PLEKHA7: variants seen among roughly 807,000 people sequenced by gnomAD.
PLEKHA7 encodes pleckstrin homology domain-containing family A member 7.
In PLEKHA7, 104 loss-of-function variants were observed where a neutral mutation model predicts 170.0. That is an observed-to-expected ratio of 0.61 (90% CI 0.52 to 0.72). The LOEUF (loss-of-function observed/expected upper bound fraction) is 0.72. PLEKHA7 is among the 30% of genes least tolerant of loss of function. The probability of loss-of-function intolerance (pLI) is 0.00; values close to 1 mark genes in which losing one functional copy is unlikely to be tolerated. For synonymous variants in PLEKHA7, 648 were observed against 660.8 expected, an observed-to-expected ratio of 0.98 and a Z score of 0.30; for missense variants, 1,615 against 1,671.7, an observed-to-expected ratio of 0.97 and a Z score of 0.59.
intron 19 of PLEKHA7, among the ~76,000 whole-genome samples, chr11:16,792,979 A>G (rs1847962870): frequency 6.6e-6 from 1 of 152,196 alleles, no homozygotes; most frequent in African/African-American, 2.4e-5. Context: ...ACAAATGGTA[A>G]AACTGGCAAA....
intron 3 of PLEKHA7, among the ~76,000 whole-genome samples, chr11:16,992,198 T>G (rs1424365169): frequency 6.6e-6 from 1 of 152,084 alleles, no homozygotes; most frequent in Non-Finnish European, 1.5e-5. Context: ...GGAAAGGGGA[T>G]TCTCTCAGCA....
At chr11:16,801,624 C>A in intron 16 of PLEKHA7, 44 bp downstream of exon 16, 1 of 1,610,748 alleles carries the variant, frequency 6.2e-7, no homozygotes, top group Non-Finnish European at 8.5e-7. Flanking sequence ...CAGCCCCTTG[C>A]TCAGCCCGTC....
intron 13 of PLEKHA7, among the ~76,000 whole-genome samples, chr11:16,805,422 C>T (rs1848890952): frequency 6.6e-6 from 1 of 151,958 alleles, no homozygotes; most frequent in Admixed American, 6.6e-5. Flanking sequence ...TACATTCAAC[C>T]TTTTTTTTCT....
chr11:16,818,886 CT>C (rs1456816997), intron 10 of PLEKHA7, among the ~76,000 whole-genome samples: 6 of 151,932 alleles, frequency 3.9e-5, no homozygotes, highest in African/African-American at 1.5e-4. Flanking sequence ...TCACTGCAAC[CT>C]TCGCCTCCTG....
At chr11:16,913,299 C>T (rs1321707762) in intron 3 of PLEKHA7, among the ~76,000 whole-genome samples, 2 of 152,202 alleles carry the variant, frequency 1.3e-5, no homozygotes, top group Non-Finnish European at 1.5e-5. Context: ...AGGAGAGTGC[C>T]ACTCTGAATG....
intron 3 of PLEKHA7, among the ~76,000 whole-genome samples, chr11:16,936,456 G>A (rs902066502): frequency 2.1e-5 from 3 of 143,900 alleles, no homozygotes; most frequent in Non-Finnish European, 4.6e-5. Context: ...ATGACAACAG[G>A]GACAAAGCAA....
rs546639293 is a variant in PLEKHA7, at chr11:16,909,913, G to A, written c.222-38731C>T. On this transcript the variant is annotated intron_variant, in intron 3 of 26. Transcript: ENST00000531066. ...ACCTCACCATAAAAAGAAACCAGCT[G>A]TTGCCAGAGGTAATAACCTAATGGC... Among the ~76,000 whole-genome samples, 3 of 152,282 alleles carry A rather than the reference G, an allele frequency of 2.0e-5. No individual in the cohort carries two copies. The East Asian group carries it at 5.8e-4, about 29-fold the overall frequency.
chr11:16,884,993 C>T (rs1430415332), intron 3 of PLEKHA7, among the ~76,000 whole-genome samples: 8 of 152,200 alleles, frequency 5.3e-5, no homozygotes. Flanking sequence ...TTTGTACCAA[C>T]ATCACTGATT....
chr11:16,838,426 T>A (rs181436020), intron 9 of PLEKHA7, among the ~76,000 whole-genome samples: 1 of 151,468 alleles, frequency 6.6e-6, no homozygotes, highest in South Asian at 2.1e-4. Flanking sequence ...CATGGGAGGA[T>A]TGCTTGAGCC....
intron 3 of PLEKHA7, among the ~76,000 whole-genome samples, chr11:16,985,118 C>T (rs1248647394): frequency 6.6e-6 from 1 of 152,252 alleles, no homozygotes; most frequent in Non-Finnish European, 1.5e-5. Flanking sequence ...AGGAAGGAAG[C>T]CTTCAGAAGC....
At chr11:16,916,612 G>A (rs1389732619) in intron 3 of PLEKHA7, among the ~76,000 whole-genome samples, 1 of 152,196 alleles carries the variant, frequency 6.6e-6, no homozygotes, top group Non-Finnish European at 1.5e-5. Context: ...CAACCCTGAA[G>A]AGGAAACAGG....
intron 17 of PLEKHA7, among the ~76,000 whole-genome samples, chr11:16,795,548 T>C (rs1429310111): frequency 6.6e-6 from 1 of 152,074 alleles, no homozygotes; most frequent in African/African-American, 2.4e-5. Flanking sequence ...TCCCCGCACT[T>C]TGGGAGGCCA....
rs185460005 is a variant in PLEKHA7 at position 16,970,037 on chromosome 11, C to T, written c.221+43952G>A. On this transcript the variant is annotated intron_variant, in intron 3 of 26. Transcript: ENST00000531066. ...GGATGATTTAACCTGGAAAGGAAAA[C>T]ACATAGGGCCACATGGGAGCCTCTT... is the stretch of plus-strand genomic sequence containing the variant. 1.2e-4 allele frequency among the ~76,000 whole-genome samples: 18 copies of T among 152,288 alleles called. No homozygotes were observed. In the East Asian group the frequency reaches 3.5e-3, roughly 29 times the overall value.
At chr11:16,946,370 C>G (rs112813463) in intron 3 of PLEKHA7, among the ~76,000 whole-genome samples, 1 of 152,162 alleles carries the variant, frequency 6.6e-6, no homozygotes, top group Non-Finnish European at 1.5e-5. Flanking sequence ...GACCTCTCCC[C>G]GAACGAACGT....
intron 3 of PLEKHA7, among the ~76,000 whole-genome samples, chr11:17,000,452 A>C (rs892383578): frequency 2.0e-5 from 3 of 152,152 alleles, no homozygotes; most frequent in African/African-American, 7.2e-5. Flanking sequence ...CTGAGATGAG[A>C]AATAGTTTCT....
At chr11:16,857,144 T>C (rs577402858) in intron 4 of PLEKHA7, among the ~76,000 whole-genome samples, 38 of 152,318 alleles carry the variant, frequency 2.5e-4, no homozygotes, top group African/African-American at 9.1e-4. Context: ...AGATAAGTGA[T>C]CCTTTCTGTG....
At chr11:16,786,970 TA>T (rs1271588827) in intron 23 of PLEKHA7, 1 of 985,370 alleles carries the variant, frequency 1.0e-6, no homozygotes, top group Non-Finnish European at 1.2e-6. Flanking sequence ...GAGACCCATC[TA>T]TTTGAGATAG....
chr11:16,801,639 G>A, intron 16 of PLEKHA7, 29 bp downstream of exon 16: 1 of 1,613,300 alleles, frequency 6.2e-7, no homozygotes. Context: ...CCCGTCCTGA[G>A]GGAGACAGGT....
Position 16,791,256 on chromosome 11 carries a change from G to A in PLEKHA7, c.2746-57C>T. 2.0e-6 allele frequency: 3 copies of A among 1,465,698 alleles called. No individual in the cohort carries two copies. The highest frequency in any genetic ancestry group is 1.3e-5 in the South Asian group (1 of 74,660). 90.8% of individuals were successfully genotyped at this position (1,465,698 alleles called of 1,614,324 possible). A position where few individuals can be genotyped will look rare whatever the true frequency, so the allele number is the denominator to read the frequency against. Reference sequence around the variant, plus strand: ...GCGAGACGGAGCTGGAGGGAGGACTGCTAGGTACTGCCACAGTGGAGGTTT... The same window carrying A: ...GCGAGACGGAGCTGGAGGGAGGACTACTAGGTACTGCCACAGTGGAGGTTT... On this transcript the variant is annotated intron_variant, in intron 19 of 26. Coordinates refer to ENST00000531066, the MANE Select transcript of PLEKHA7 (RefSeq NM_001329630.2). This position sits in a 1 kb window ranked among gnomAD's most constrained non-coding sequence, Gnocchi z 4.5.
Sources: gnomAD v4.1 joint callset for allele counts (sites outside exome capture counted in the v4.1 genomes callset) on GRCh38, gnomAD v4.1.1 for gene constraint, Gnocchi (gnomAD v3.1) non-coding constraint, MANE v1.5 for transcripts, NCBI Gene and HGNC (gene_info 2026-07-23, HGNC 2026-07-21) for gene names.